Variants in CCSER1 observed in about 807,000 individuals in gnomAD.
The protein encoded by CCSER1 is coiled-coil serine rich protein 1.
Under a neutral mutation model 82.0 loss-of-function variants are expected in CCSER1, and 41 were observed. The ratio of observed to expected loss-of-function variants is 0.50; its 90% CI spans 0.39 to 0.65. The LOEUF (loss-of-function observed/expected upper bound fraction) is 0.65. CCSER1 is among the 30% of genes least tolerant of loss of function. The pLI, the probability that CCSER1 is intolerant of heterozygous loss-of-function variation, is 0.00. For synonymous variants in CCSER1, 414 were observed against 383.9 expected, an observed-to-expected ratio of 1.08 and a Z score of -0.92; for missense variants, 1,119 against 1,064.2, an observed-to-expected ratio of 1.05 and a Z score of -0.72.
intron 3 of CCSER1, among the ~76,000 whole-genome samples, chr4:90,348,905 T>C (rs957937972): frequency 6.6e-5 from 10 of 152,168 alleles, no homozygotes; most frequent in African/African-American, 2.2e-4. Context: ...TTTTTATATA[T>C]CTTTTTTCTA....
At chr4:90,411,617 T>C (rs1417266799) in intron 4 of CCSER1, among the ~76,000 whole-genome samples, 1 of 152,210 alleles carries the variant, frequency 6.6e-6, no homozygotes, top group Non-Finnish European at 1.5e-5. Context: ...TGATGGGATG[T>C]ATCTCAAAAT....
At chr4:91,205,485 G>A (rs1196286544) in intron 10 of CCSER1, among the ~76,000 whole-genome samples, 1 of 151,748 alleles carries the variant, frequency 6.6e-6, no homozygotes, top group East Asian at 1.9e-4. Context: ...AAAACAGCTA[G>A]TGACAAGAAC....
intron 1 of CCSER1, among the ~76,000 whole-genome samples, chr4:90,255,295 T>C (rs1051817470): frequency 2.6e-5 from 4 of 152,072 alleles, no homozygotes; most frequent in Non-Finnish European, 5.9e-5. Context: ...GTGATCTACA[T>C]GGGAACCACA....
rs566641473 is a variant in CCSER1 at position 91,542,784 on chromosome 4, T to G, written c.2218-55788T>G. The stretch of plus-strand genomic sequence containing the variant: ...TGAGAAGAATGTGTATTCTGTTGAT[T>G]TGGGGTGGAGAGTTCTGTAGATGTC... On this transcript the variant is annotated intron_variant, in intron 10 of 10. Transcript: ENST00000509176. Among the ~76,000 whole-genome samples the G allele has an allele frequency of 1.1e-4, 17 of 152,300 alleles. 1 individual carries two copies. The South Asian group carries it at 3.5e-3, about 32-fold the overall frequency.
intron 10 of CCSER1, among the ~76,000 whole-genome samples, chr4:91,418,312 A>AAC (rs1753494614): frequency 6.6e-6 from 1 of 150,858 alleles, no homozygotes; most frequent in Non-Finnish European, 1.5e-5. Context: ...TTAAAAAAAA[A>AAC]AAAAACAAAA....
chr4:90,755,601 A>G (rs1052856699), intron 7 of CCSER1, among the ~76,000 whole-genome samples: 1 of 152,222 alleles, frequency 6.6e-6, no homozygotes, highest in African/African-American at 2.4e-5. Context: ...ATTCTGCTTA[A>G]TACTGTATTT....
chr4:91,167,340 C>G (rs1440315773), intron 10 of CCSER1, among the ~76,000 whole-genome samples: 2 of 151,880 alleles, frequency 1.3e-5, no homozygotes, highest in African/African-American at 4.8e-5. Context: ...TGCCTGCCAC[C>G]ATGCCCAGCT....
chr4:90,591,838 G>A (rs188308703), intron 5 of CCSER1, among the ~76,000 whole-genome samples: 6 of 152,230 alleles, frequency 3.9e-5, no homozygotes, highest in Non-Finnish European at 5.9e-5. Context: ...TATACACCAC[G>A]GAATGCCACG....
intron 10 of CCSER1, among the ~76,000 whole-genome samples, chr4:91,098,783 T>C (rs2148845096): frequency 6.6e-6 from 1 of 152,254 alleles, no homozygotes; most frequent in South Asian, 2.1e-4. Context: ...TGTCGTGATC[T>C]GCCCGCCTCG....
At position 91,554,433 on chromosome 4, in the gene CCSER1, G is replaced by T. The variant is rs112699900; in HGVS notation, c.2218-44139G>T. 2.0e-3 allele frequency among the ~76,000 whole-genome samples: 307 copies of T among 151,146 alleles called. 3 individuals carry two copies. Among genetic ancestry groups the T allele is most frequent in the Non-Finnish European group, 3.7e-3 (248 of 67,534 alleles). On this transcript the variant is annotated intron_variant, in intron 10 of 10. Coordinates refer to ENST00000509176, the MANE Select transcript of CCSER1 (RefSeq NM_001145065.2). ...ATAAACTGTCAAAAAAGAAGCTAATGAAATGACCACATACACAATAGCACA... is the reference window on the plus strand; with the variant it reads ...ATAAACTGTCAAAAAAGAAGCTAATTAAATGACCACATACACAATAGCACA...
At chr4:90,614,135 T>G in intron 5 of CCSER1, among the ~76,000 whole-genome samples, 1 of 152,304 alleles carries the variant, frequency 6.6e-6, no homozygotes, top group Admixed American at 6.5e-5. Context: ...CATTATTATA[T>G]TAGTTATGGT....
intron 5 of CCSER1, among the ~76,000 whole-genome samples, chr4:90,555,262 T>A (rs2153644319): frequency 6.6e-6 from 1 of 152,264 alleles, no homozygotes; most frequent in Non-Finnish European, 1.5e-5. Context: ...CAAAAAATTT[T>A]TCCTGAGGGT....
At chr4:91,102,679 A>G (rs1008759710) in intron 10 of CCSER1, among the ~76,000 whole-genome samples, 3 of 150,500 alleles carry the variant, frequency 2.0e-5, no homozygotes, top group Non-Finnish European at 4.5e-5. Context: ...TCACATATTT[A>G]TTTGAAAGTA....
chr4:91,309,453 C>T (rs1472467199), intron 10 of CCSER1, among the ~76,000 whole-genome samples: 1 of 151,998 alleles, frequency 6.6e-6, no homozygotes, highest in Non-Finnish European at 1.5e-5. Flanking sequence ...AAGAGAGAAA[C>T]ATACAATCCG....
At chr4:91,034,450 A>G (rs1003937101) in intron 9 of CCSER1, among the ~76,000 whole-genome samples, 25 of 152,316 alleles carry the variant, frequency 1.6e-4, no homozygotes, top group Admixed American at 2.6e-4. Flanking sequence ...GATTCTTCCA[A>G]TGAGAAGCTT....
chr4:90,889,048 T>A (rs931396536), intron 8 of CCSER1, among the ~76,000 whole-genome samples: 1 of 152,172 alleles, frequency 6.6e-6, no homozygotes, highest in Non-Finnish European at 1.5e-5. Context: ...ATCAATATTC[T>A]ACAAAGGTAA....
chr4:90,692,035 GTATATATATA>G (rs60193331), intron 6 of CCSER1, among the ~76,000 whole-genome samples: 6,887 of 142,858 alleles, frequency 0.048, 208 homozygotes, highest in South Asian at 0.082. Context: ...TTCAATGTGT[GTATATATATA>G]TATATATATA....
chr4:90,863,873 CT>C (rs1333096275), intron 8 of CCSER1, among the ~76,000 whole-genome samples: 1 of 151,730 alleles, frequency 6.6e-6, no homozygotes, highest in African/African-American at 2.4e-5. Flanking sequence ...AACAAAAGCC[CT>C]TTAGCGCTTT....
chr4:90,501,517 T>G (rs1769877041), intron 5 of CCSER1, among the ~76,000 whole-genome samples: 1 of 152,212 alleles, frequency 6.6e-6, no homozygotes, highest in South Asian at 2.1e-4. Context: ...ACAACCAGCT[T>G]TGTCCTCTAG....
Sources: gnomAD v4.1 joint callset for allele counts (sites outside exome capture counted in the v4.1 genomes callset) on GRCh38, gnomAD v4.1.1 for gene constraint, MANE v1.5 for transcripts, NCBI Gene and HGNC (gene_info 2026-07-23, HGNC 2026-07-21) for gene names.